CNTN5: variants seen among roughly 807,000 people sequenced by gnomAD.
CNTN5 encodes the protein contactin-5.
In CNTN5, 77 loss-of-function variants were observed where a neutral mutation model predicts 129.1. The ratio of observed to expected loss-of-function variants is 0.60; its 90% CI spans 0.50 to 0.72. CNTN5 has a LOEUF of 0.72. CNTN5 is among the 30% of genes least tolerant of loss of function. The pLI is 0.00. For synonymous variants in CNTN5, 509 were observed against 465.6 expected (o/e 1.09, Z -1.20); for missense variants, 1,478 against 1,328.8 (o/e 1.11, Z -1.75).
At chr11:99,668,679 A>G (rs554387855) in intron 3 of CNTN5, among the ~76,000 whole-genome samples, 78 of 152,270 alleles carry the variant, frequency 5.1e-4, no homozygotes, top group African/African-American at 1.8e-3. Context: ...CTGTAATCCT[A>G]GCACTTTGGG....
chr11:99,321,533 A>G (rs538080926), intron 1 of CNTN5, among the ~76,000 whole-genome samples: 3 of 152,154 alleles, frequency 2.0e-5, no homozygotes, highest in South Asian at 4.1e-4. Flanking sequence ...ACCTCCTTTG[A>G]TAATAAGTAT....
intron 3 of CNTN5, among the ~76,000 whole-genome samples, chr11:99,615,820 G>A (rs887374357): frequency 2.0e-5 from 3 of 151,372 alleles, no homozygotes; most frequent in Non-Finnish European, 4.4e-5. Flanking sequence ...GGAGAGTAGT[G>A]GCATGATCTC....
At chr11:99,765,081 A>T (rs112878157) in intron 3 of CNTN5, among the ~76,000 whole-genome samples, 95 of 152,168 alleles carry the variant, frequency 6.2e-4, no homozygotes, top group Middle Eastern at 3.4e-3. Flanking sequence ...TACTTGTTAG[A>T]TATGGAAGAT....
At chr11:99,474,232 T>C (rs1945284071) in intron 2 of CNTN5, among the ~76,000 whole-genome samples, 1 of 152,124 alleles carries the variant, frequency 6.6e-6, no homozygotes, top group South Asian at 2.1e-4. Context: ...CATAATATTT[T>C]GGATATTTCT....
intron 2 of CNTN5, among the ~76,000 whole-genome samples, chr11:99,486,543 TG>T (rs1384889506): frequency 6.6e-6 from 1 of 152,176 alleles, no homozygotes; most frequent in Non-Finnish European, 1.5e-5. Flanking sequence ...TGTAAATTAG[TG>T]TGAGTAAATG....
chr11:99,168,818 G>T (rs569590387), intron 1 of CNTN5, among the ~76,000 whole-genome samples: 1 of 152,298 alleles, frequency 6.6e-6, no homozygotes, highest in Admixed American at 6.5e-5. Flanking sequence ...TATGGAAGAA[G>T]AAGAAATAGA....
intron 6 of CNTN5, among the ~76,000 whole-genome samples, chr11:99,861,633 A>G (rs1948209964): frequency 6.6e-6 from 1 of 152,204 alleles, no homozygotes. Context: ...AATTCATGTA[A>G]TTTGACTATA....
intron 3 of CNTN5, among the ~76,000 whole-genome samples, chr11:99,744,207 G>C (rs1405461088): frequency 6.6e-6 from 1 of 151,976 alleles, no homozygotes; most frequent in Non-Finnish European, 1.5e-5. Context: ...CCAATTTTCA[G>C]TTCTATTGCA....
chr11:99,430,429 T>G, intron 2 of CNTN5, among the ~76,000 whole-genome samples: 1 of 150,324 alleles, frequency 6.7e-6, no homozygotes, highest in East Asian at 1.9e-4. Context: ...ATTATATACA[T>G]AAGAACTTTA....
chr11:99,941,678 T>A (rs1414394952), intron 7 of CNTN5, among the ~76,000 whole-genome samples: 1 of 149,424 alleles, frequency 6.7e-6, no homozygotes, highest in East Asian at 2.0e-4. Context: ...CCACAGGGAG[T>A]CATTTGAGCA....
intron 1 of CNTN5, among the ~76,000 whole-genome samples, chr11:99,060,857 CT>C (rs933060890): frequency 9.2e-5 from 14 of 152,048 alleles, no homozygotes; most frequent in African/African-American, 2.9e-4. Flanking sequence ...TCAGTGAAGG[CT>C]TTTGAAGAGG....
At chr11:99,629,526 A>C (rs1951258667) in intron 3 of CNTN5, among the ~76,000 whole-genome samples, 1 of 152,028 alleles carries the variant, frequency 6.6e-6, no homozygotes, top group African/African-American at 2.4e-5. Context: ...CAGTTAAATA[A>C]GTATTAGCAT....
chr11:99,402,668 T>C (rs1176732587), intron 2 of CNTN5, among the ~76,000 whole-genome samples: 1 of 152,148 alleles, frequency 6.6e-6, no homozygotes, highest in Non-Finnish European at 1.5e-5. Flanking sequence ...CTTTAAATGT[T>C]TGGTAGAATT....
intron 1 of CNTN5, among the ~76,000 whole-genome samples, chr11:99,299,942 T>C (rs770757011): frequency 4.6e-5 from 7 of 152,302 alleles, no homozygotes; most frequent in South Asian, 2.1e-4. Flanking sequence ...TAGTGATAGT[T>C]CTATTTTTAG....
Position 99,229,541 on chromosome 11 carries a change from A to AAAAAAC in CNTN5, c.-209-95804_-209-95803insAAAACA, listed in dbSNP as rs113130533. ...CACAATTTTAGACAAAAAAAAAAAAAAGGACACAGCAGGAGGTCAATAAAA... is the reference window on the plus strand; with the variant it reads ...CACAATTTTAGACAAAAAAAAAAAAAAAAAACAGGACACAGCAGGAGGTCAATAAAA... On this transcript the variant is annotated intron_variant, in intron 1 of 24. Coordinates refer to ENST00000524871, the MANE Select transcript of CNTN5 (RefSeq NM_014361.4). Among the ~76,000 whole-genome samples, 793 of 143,634 alleles carry AAAAAAC rather than the reference A, an allele frequency of 5.5e-3. 17 individuals carry two copies. The East Asian group carries it at 0.056, about 10-fold the overall frequency. 94.2% of individuals were successfully genotyped at this position (143,634 alleles called of 152,430 possible).
At chr11:100,001,543 T>C (rs934356936) in intron 8 of CNTN5, among the ~76,000 whole-genome samples, 75 of 152,354 alleles carry the variant, frequency 4.9e-4, no homozygotes, top group African/African-American at 1.5e-3. Context: ...GTGTACAGTA[T>C]GTTGTTTCTC....
At chr11:99,883,212 T>G (rs1948817092) in intron 6 of CNTN5, among the ~76,000 whole-genome samples, 2 of 152,202 alleles carry the variant, frequency 1.3e-5, no homozygotes, top group African/African-American at 2.4e-5. Context: ...ACATACTGAT[T>G]TCTTTTGGGT....
At position 99,857,990 on chromosome 11, in the gene CNTN5, A is replaced by C. The variant is rs116478739; in HGVS notation, c.577+12728A>C. 6.6e-3 allele frequency among the ~76,000 whole-genome samples: 1,009 copies of C among 152,214 alleles called. 12 individuals are homozygous for C. Among genetic ancestry groups the C allele is most frequent in the African/African-American group, 0.023 (960 of 41,520 alleles). On this transcript the variant is annotated intron_variant, in intron 6 of 24. Transcript: ENST00000524871. ...CAAATGTTATTCTGTTTGAATTGCC[A>C]GTGCTTAAAGTGTCTACCCAGTGCC...
chr11:99,514,583 A>G (rs12420716), intron 2 of CNTN5, among the ~76,000 whole-genome samples: 2,440 of 152,192 alleles, frequency 0.016, 100 homozygotes, highest in Admixed American at 0.091. Flanking sequence ...AATAACATTA[A>G]GGCAGGATCC....
Sources: allele counts gnomAD v4.1 joint callset (sites outside exome capture counted in the v4.1 genomes callset), GRCh38; gene constraint gnomAD v4.1.1; transcripts MANE v1.5; gene names NCBI Gene and HGNC (gene_info 2026-07-23, HGNC 2026-07-21).